Variants in GAD2 observed in about 807,000 individuals in gnomAD.
GAD2 encodes 65 kDa glutamic acid decarboxylase.
A neutral mutation model predicts 80.1 loss-of-function variants in GAD2; 22 were observed. That is an observed-to-expected ratio of 0.27 (90% CI 0.20 to 0.39). The LOEUF is 0.39. Ranked by LOEUF, GAD2 falls within the 10% of genes least tolerant of loss-of-function variation. The pLI, the probability that GAD2 is intolerant of heterozygous loss-of-function variation, is 1.00. For missense variants in GAD2, 624 were observed against 738.4 expected (o/e 0.85, Z 1.80); for synonymous variants, 274 against 256.9 (o/e 1.07, Z -0.64).
At chr10:26,292,846 G>A (rs1266740809) in intron 14 of GAD2, 56 bp from the exon 15 acceptor site, 1 of 1,400,544 alleles carries the variant, frequency 7.1e-7, no homozygotes. Context: ...AATGTTCTTG[G>A]AATTTTCAAA....
chr10:26,245,967 C>T lies in GAD2; in HGVS notation c.887C>T (p.Thr296Ile), dbSNP rs769617908. The T allele has an allele frequency of 1.2e-6, 2 of 1,614,134 alleles. No individual in the cohort carries two copies. The highest frequency in any genetic ancestry group is 1.1e-5 in the South Asian group (1 of 91,078). The change falls in exon 8 of 16, where the codon ACA becomes ATA. Residue 296 changes from threonine (T) to isoleucine (I), a missense_variant. Transcript: ENST00000376261. ...GGAGCTGCAGCCTTAGGGATTGGAA[C>T]AGACAGCGTGATTCTGATTAAATGT... is the stretch of plus-strand genomic sequence containing the variant. ...KKGAAALGIG[T>I]DSVILIKCDE... is the part of the protein sequence containing the mutation.
intron 4 of GAD2, 147 bp from the exon 5 acceptor site, chr10:26,223,740 C>A (rs1450165609): frequency 5.7e-6 from 3 of 527,744 alleles, no homozygotes; most frequent in African/African-American, 1.9e-5. Flanking sequence ...CTTGTGCATA[C>A]ACACGTGTGT....
chr10:26,285,757 G>T (rs1234472338), intron 12 of GAD2, among the ~76,000 whole-genome samples: 2 of 139,552 alleles, frequency 1.4e-5, no homozygotes, highest in African/African-American at 6.0e-5. Context: ...CCTCAAAATT[G>T]CAATATGTGG....
chr10:26,237,163 C>T (rs1307572789), intron 7 of GAD2, among the ~76,000 whole-genome samples: 1 of 152,168 alleles, frequency 6.6e-6, no homozygotes, highest in Non-Finnish European at 1.5e-5. Flanking sequence ...AGCAAGTGTC[C>T]CTTGTTCTGG....
chr10:26,258,804 T>C (rs990372156), intron 8 of GAD2, among the ~76,000 whole-genome samples: 3 of 143,060 alleles, frequency 2.1e-5, no homozygotes, highest in Admixed American at 6.9e-5. Context: ...CTTGGGTTGC[T>C]TCCACCAATT....
chr10:26,253,193 C>A (rs1844901180), intron 8 of GAD2, among the ~76,000 whole-genome samples: 1 of 152,108 alleles, frequency 6.6e-6, no homozygotes, highest in Non-Finnish European at 1.5e-5. Context: ...TGATGTGAAG[C>A]ATTATAACTA....
chr10:26,244,434 A>G (rs556744955), intron 7 of GAD2, among the ~76,000 whole-genome samples: 67 of 152,212 alleles, frequency 4.4e-4, no homozygotes, highest in Non-Finnish European at 8.5e-4. Context: ...TTGTACCCCC[A>G]TATGTCACAG....
At chr10:26,298,021 T>G (rs751731828) in intron 15 of GAD2, among the ~76,000 whole-genome samples, 3 of 152,242 alleles carry the variant, frequency 2.0e-5, no homozygotes, top group Non-Finnish European at 4.4e-5. Context: ...ACACAGTTTG[T>G]GCACCGCATC....
intron 11 of GAD2, among the ~76,000 whole-genome samples, chr10:26,277,678 G>T (rs11015026): frequency 2.0e-5 from 3 of 151,972 alleles, no homozygotes; most frequent in Admixed American, 6.5e-5. Flanking sequence ...ACCTAGGAGA[G>T]GGGGAGAGAG....
Position 26,224,010 on chromosome 10 carries a change from G to T in GAD2, c.611+33G>T, listed in dbSNP as rs201193606. ...GCCAAATGTGTTTTTATGTAATTTAGGATAATTATTAGTGACATTCCATAG... is the reference window on the plus strand; with the variant it reads ...GCCAAATGTGTTTTTATGTAATTTATGATAATTATTAGTGACATTCCATAG... On this transcript the variant is annotated intron_variant, in intron 5 of 15. Transcript: ENST00000376261. 2.2e-5 allele frequency: 32 copies of T among 1,438,140 alleles called. No homozygotes were observed. The East Asian group carries it at 6.8e-4, about 31-fold the overall frequency. The allele number at this position is 1,438,140 out of a possible 1,614,324, so 89.1% of individuals were successfully genotyped here.
At chr10:26,218,851 C>G (rs1030717278) in intron 3 of GAD2, among the ~76,000 whole-genome samples, 192 bp from the exon 4 acceptor site, 1 of 152,120 alleles carries the variant, frequency 6.6e-6, no homozygotes, top group East Asian at 1.9e-4. Flanking sequence ...GAGAAGAAAT[C>G]ATAATTTATC....
At position 26,217,985 on chromosome 10, in the gene GAD2, G is replaced by A; in HGVS notation, c.280G>A (p.Ala94Thr). Residue 94 changes from alanine to threonine, a missense_variant, in exon 3 of 16, where the codon GCA (alanine) becomes ACA (threonine). Transcript: ENST00000376261. The surrounding 1 kb of genome is among the most constrained non-coding windows in gnomAD (Gnocchi z 4.9). Reference sequence around the variant, plus strand: ...GGATGTCAACTACGCGTTTCTCCATGCAACAGGTAAAGACTCAGCGGGGAG... The same window carrying A: ...GGATGTCAACTACGCGTTTCTCCATACAACAGGTAAAGACTCAGCGGGGAG... ...KVDVNYAFLH[A>T]TDLLPACDGE... 2.5e-6 allele frequency: 4 copies of A among 1,609,596 alleles called. No homozygotes were observed. Among genetic ancestry groups the A allele is most frequent in the Non-Finnish European group, 3.4e-6 (4 of 1,178,108 alleles).
chr10:26,296,001 A>T (rs780910222), intron 15 of GAD2, among the ~76,000 whole-genome samples: 3 of 152,208 alleles, frequency 2.0e-5, no homozygotes, highest in Non-Finnish European at 4.4e-5. Flanking sequence ...ACAGACTAAT[A>T]TAGACTGGGT....
chr10:26,260,296 T>G (rs1318174867), intron 8 of GAD2, among the ~76,000 whole-genome samples: 1 of 152,278 alleles, frequency 6.6e-6, no homozygotes, highest in Non-Finnish European at 1.5e-5. Flanking sequence ...TAAACATTAT[T>G]GCGGGTAAAT....
At chr10:26,239,511 C>T (rs1169554515) in intron 7 of GAD2, among the ~76,000 whole-genome samples, 1 of 152,216 alleles carries the variant, frequency 6.6e-6, no homozygotes, top group Admixed American at 6.5e-5. Context: ...GACATTTCCC[C>T]GGACTTGTTA....
intron 5 of GAD2, among the ~76,000 whole-genome samples, chr10:26,224,276 C>T (rs951514125): frequency 3.9e-5 from 6 of 152,130 alleles, no homozygotes; most frequent in Non-Finnish European, 8.8e-5. Flanking sequence ...AATCATGTTA[C>T]TCTGCAATAT....
chr10:26,227,807 C>T (rs1428760141), intron 6 of GAD2, among the ~76,000 whole-genome samples: 1 of 152,256 alleles, frequency 6.6e-6, no homozygotes, highest in African/African-American at 2.4e-5. Context: ...CAGCATCCTA[C>T]AGCCAGCCTT....
chr10:26,273,915 A>G (rs1436198606), intron 11 of GAD2, among the ~76,000 whole-genome samples: 1 of 152,224 alleles, frequency 6.6e-6, no homozygotes, highest in Non-Finnish European at 1.5e-5. Context: ...CAGAAAAATC[A>G]GAATACACAT....
rs189511787 is a variant in GAD2, at chr10:26,269,300, T to C, written c.975+127T>C. 6.9e-5 allele frequency: 47 copies of C among 676,372 alleles called. No homozygotes were observed. The African/African-American group carries it at 7.2e-4, about 10-fold the overall frequency. The allele number at this position is 676,372 out of a possible 1,614,324, so 41.9% of individuals were successfully genotyped here. A position where few individuals can be genotyped will look rare whatever the true frequency, so the allele number is the denominator to read the frequency against. Reference sequence around the variant, plus strand: ...CAATCTCCCAGGTTTAATGAGAACATAGAATTCTGCATCCAGTCACTATTT... The same window carrying C: ...CAATCTCCCAGGTTTAATGAGAACACAGAATTCTGCATCCAGTCACTATTT... On this transcript the variant is annotated intron_variant, in intron 9 of 15. Coordinates refer to ENST00000376261, the MANE Select transcript of GAD2 (RefSeq NM_001134366.2).
Sources: allele counts gnomAD v4.1 joint callset (sites outside exome capture counted in the v4.1 genomes callset), GRCh38; gene constraint gnomAD v4.1.1; non-coding constraint Gnocchi (gnomAD v3.1); transcripts MANE v1.5; gene names NCBI Gene and HGNC (gene_info 2026-07-23, HGNC 2026-07-21).